The following CUL3 variants were observed in gnomAD, a reference collection of about 807,000 sequenced individuals.
The protein encoded by CUL3 is cullin 3, also known as cullin-3.
CUL3 carries 19 observed loss-of-function variants against 89.1 expected under a neutral mutation model. The observed-to-expected ratio is 0.21, with a 90% CI of 0.15 to 0.31. CUL3 has a LOEUF of 0.31. CUL3 is among the 10% of genes least tolerant of loss of function. CUL3 has a pLI of 1.00. For missense variants in CUL3, 469 were observed against 942.3 expected, an observed-to-expected ratio of 0.50 and a Z score of 6.58; for synonymous variants, 351 against 308.4, an observed-to-expected ratio of 1.14 and a Z score of -1.45.
intron 13 of CUL3, among the ~76,000 whole-genome samples, chr2:224,492,850 T>A (rs111902665): frequency 6.6e-6 from 1 of 152,080 alleles, no homozygotes; most frequent in Non-Finnish European, 1.5e-5. Context: ...CAGGGAAAGA[T>A]CAAAAAGGCA....
chr2:224,566,757 T>C (rs1164069654), intron 1 of CUL3, among the ~76,000 whole-genome samples: 1 of 152,252 alleles, frequency 6.6e-6, no homozygotes, highest in East Asian at 1.9e-4. Flanking sequence ...TTTGCTTTTC[T>C]TAAATCATAT....
chr2:224,567,103 A>G, intron 1 of CUL3, among the ~76,000 whole-genome samples: 1 of 152,196 alleles, frequency 6.6e-6, no homozygotes, highest in East Asian at 1.9e-4. Flanking sequence ...CCAGGTTTAC[A>G]GTTTTCCACT....
intron 2 of CUL3, among the ~76,000 whole-genome samples, chr2:224,538,417 ATCTT>A (rs1193910674): frequency 6.6e-6 from 1 of 152,220 alleles, no homozygotes; most frequent in Non-Finnish European, 1.5e-5. Flanking sequence ...TGAAAAAAGG[ATCTT>A]TATTTTACAA....
chr2:224,511,827 T>C (rs551832731), intron 5 of CUL3, among the ~76,000 whole-genome samples: 147 of 152,294 alleles, frequency 9.7e-4, no homozygotes, highest in African/African-American at 3.5e-3. Context: ...ACTGTGCCAA[T>C]GTACTCCAAA....
intron 1 of CUL3, among the ~76,000 whole-genome samples, chr2:224,578,604 G>A (rs1015224058): frequency 6.6e-6 from 1 of 152,076 alleles, no homozygotes. Flanking sequence ...GTTTTCACAA[G>A]ACACTGATAG....
chr2:224,581,435 G>A (rs1695434733), intron 1 of CUL3, among the ~76,000 whole-genome samples: 1 of 151,106 alleles, frequency 6.6e-6, no homozygotes, highest in Admixed American at 6.6e-5. Flanking sequence ...TAGCTTGATG[G>A]TAGTAATCAT....
At chr2:224,550,371 T>C (rs987551826) in intron 2 of CUL3, among the ~76,000 whole-genome samples, 3 of 152,204 alleles carry the variant, frequency 2.0e-5, no homozygotes, top group African/African-American at 7.2e-5. Context: ...GCTGTGGAAT[T>C]TTCCACTGTG....
intron 3 of CUL3, among the ~76,000 whole-genome samples, chr2:224,523,844 T>C (rs1010670739): frequency 5.3e-5 from 8 of 152,116 alleles, no homozygotes; most frequent in Admixed American, 5.2e-4. Context: ...TCCACTTACA[T>C]GAGGTAATGA....
chr2:224,539,220 T>C (rs1222957764), intron 2 of CUL3, among the ~76,000 whole-genome samples: 2 of 152,204 alleles, frequency 1.3e-5, no homozygotes, highest in Non-Finnish European at 2.9e-5. Flanking sequence ...GAGGAGATCA[T>C]AGGTCATTAG....
chr2:224,496,003 A>G (rs1692156105), intron 12 of CUL3, 37 bp from the exon 13 acceptor site: 1 of 1,603,534 alleles, frequency 6.2e-7, no homozygotes, highest in African/African-American at 1.3e-5. Context: ...CAAAGACACA[A>G]TCATTTCCTG....
chr2:224,576,180 T>C (rs774314332), intron 1 of CUL3, among the ~76,000 whole-genome samples: 29 of 152,044 alleles, frequency 1.9e-4, no homozygotes, highest in Admixed American at 2.0e-4. Context: ...AGGACTGTAA[T>C]AGAAACCTCA....
At chr2:224,569,575 G>C (rs1303919713) in intron 1 of CUL3, 7 of 381,680 alleles carry the variant, frequency 1.8e-5, no homozygotes, top group African/African-American at 2.2e-5. Context: ...ATCTATAATG[G>C]TCTTTGTTTT....
rs2106151142 is a variant in CUL3, at chr2:224,481,891, C to G, written c.2029+1G>C. ...GAGAGGAAAAATATAATTCCAGATA[C>G]CTGTTTGAATCTTGACTCTGTGTAG... is the stretch of plus-strand genomic sequence containing the variant. On this transcript the variant is annotated splice_donor_variant, in intron 14 of 15. Coordinates refer to ENST00000264414, the MANE Select transcript of CUL3 (RefSeq NM_003590.5). LOFTEE classifies it high-confidence loss of function. The G allele has an allele frequency of 6.8e-7, 1 of 1,465,418 alleles. No individual in the cohort carries two copies. 90.8% of individuals were successfully genotyped at this position (1,465,418 alleles called of 1,614,324 possible).
chr2:224,578,143 A>G (rs1695352000), intron 1 of CUL3, among the ~76,000 whole-genome samples: 3 of 152,202 alleles, frequency 2.0e-5, no homozygotes, highest in African/African-American at 4.8e-5. Flanking sequence ...GTGCAGCCCA[A>G]TAATTCCATA....
chr2:224,533,682 T>C (rs1208743528), intron 3 of CUL3, among the ~76,000 whole-genome samples: 3 of 152,356 alleles, frequency 2.0e-5, no homozygotes, highest in Non-Finnish European at 2.9e-5. Flanking sequence ...AGCTAACTTA[T>C]TTCAAATTTA....
At chr2:224,544,221 C>G (rs1026229555) in intron 2 of CUL3, among the ~76,000 whole-genome samples, 5 of 152,056 alleles carry the variant, frequency 3.3e-5, no homozygotes, top group Admixed American at 3.3e-4. Flanking sequence ...ACTTCATTTC[C>G]CCTTATTAAA....
chr2:224,484,293 T>A (rs2106156729), intron 13 of CUL3, among the ~76,000 whole-genome samples: 1 of 152,300 alleles, frequency 6.6e-6, no homozygotes, highest in Non-Finnish European at 1.5e-5. Flanking sequence ...AACGCCAGAT[T>A]TTCTTTTGCT....
In CUL3 at chr2:224,474,202, C is replaced by T. The variant is rs778211584; in HGVS notation, c.*43G>A. 15 of 1,571,290 alleles carry T rather than the reference C, an allele frequency of 9.5e-6. No individual in the cohort carries two copies. The highest frequency in any genetic ancestry group is 1.2e-5 in the Non-Finnish European group (14 of 1,158,512). ...ATTTAAAAGAACTTCCCAGTCCATGCGAAGAGTACAGTCCAAGAATAAATC... is the reference window on the plus strand; with the variant it reads ...ATTTAAAAGAACTTCCCAGTCCATGTGAAGAGTACAGTCCAAGAATAAATC... On this transcript the variant is annotated 3_prime_UTR_variant, in exon 16 of 16. Coordinates refer to ENST00000264414, the MANE Select transcript of CUL3 (RefSeq NM_003590.5).
At chr2:224,528,639 G>A (rs1215279346) in intron 3 of CUL3, among the ~76,000 whole-genome samples, 2 of 152,048 alleles carry the variant, frequency 1.3e-5, no homozygotes, top group Non-Finnish European at 2.9e-5. Flanking sequence ...AAGGAGACTA[G>A]AATACCAAAA....
Sources: allele counts gnomAD v4.1 joint callset (sites outside exome capture counted in the v4.1 genomes callset), GRCh38; gene constraint gnomAD v4.1.1; transcripts MANE v1.5; gene names NCBI Gene and HGNC (gene_info 2026-07-23, HGNC 2026-07-21).